ARHGEF26: variants seen among roughly 807,000 people sequenced by gnomAD.
ARHGEF26 encodes the protein Rho guanine nucleotide exchange factor 26, also known as Rho guanine nucleotide exchange factor (GEF) 26.
In ARHGEF26, 59 loss-of-function variants were observed where a neutral mutation model predicts 89.4. That is an observed-to-expected ratio of 0.66 (90% confidence interval 0.54 to 0.82). The LOEUF (loss-of-function observed/expected upper bound fraction) is 0.82. ARHGEF26 is among the 40% of genes least tolerant of loss of function. The probability of loss-of-function intolerance (pLI) is 0.00; values close to 1 mark genes in which losing one functional copy is unlikely to be tolerated. For missense variants in ARHGEF26, 1,234 were observed against 1,085.6 expected (o/e 1.14, Z -1.92); for synonymous variants, 500 against 428.4 (o/e 1.17, Z -2.06).
chr3:154,200,168 TCTTGTAGTA>T (rs1714540251), intron 9 of ARHGEF26, among the ~76,000 whole-genome samples: 2 of 152,192 alleles, frequency 1.3e-5, no homozygotes, highest in Admixed American at 6.5e-5. Flanking sequence ...CCCAATATTT[TCTTGTAGTA>T]CTTTTATAGT....
Position 154,122,603 on chromosome 3 carries a change from C to G in ARHGEF26, c.611C>G (p.Pro204Arg), listed in dbSNP as rs1234722256. Residue 204 changes from proline (P) to arginine (R), a missense_variant, in exon 2 of 15, where the codon CCT becomes CGT. Transcript: ENST00000465093. ...KAKDPERGLF[P>R]GPQKSSSEQK... ...AAGGACCCCGAACGGGGGCTCTTTC[C>G]TGGGCCCCAGAAAAGTTCTTCGGAA... 6.2e-7 allele frequency: 1 copy of G among 1,613,776 alleles called. No individual in the cohort carries two copies. Among genetic ancestry groups the G allele is most frequent in the Admixed American group, 1.7e-5 (1 of 60,022 alleles).
chr3:154,225,694 A>G, intron 10 of ARHGEF26, 162 bp from the exon 11 acceptor site: 3 of 584,478 alleles, frequency 5.1e-6, no homozygotes, highest in Non-Finnish European at 7.9e-6. Flanking sequence ...TGAAGAATGC[A>G]CTGTACTTCT....
intron 9 of ARHGEF26, among the ~76,000 whole-genome samples, chr3:154,207,215 A>G (rs766076483): frequency 2.2e-4 from 33 of 152,204 alleles, no homozygotes; most frequent in Non-Finnish European, 3.5e-4. Flanking sequence ...CATGATGAAG[A>G]TGCCAAAAAC....
chr3:154,121,727 G>A (rs1238216786), intron 1 of ARHGEF26, among the ~76,000 whole-genome samples: 1 of 152,188 alleles, frequency 6.6e-6, no homozygotes, highest in Non-Finnish European at 1.5e-5. Context: ...GAGGGACGCG[G>A]AGGTGATTGG....
intron 6 of ARHGEF26, among the ~76,000 whole-genome samples, chr3:154,165,992 G>A (rs1402181112): frequency 6.6e-6 from 1 of 152,030 alleles, no homozygotes; most frequent in African/African-American, 2.4e-5. Context: ...CCTGGGGATG[G>A]TTTGAAAAAA....
At chr3:154,121,853 C>A in intron 1 of ARHGEF26, 89 bp from the exon 2 acceptor site, 2 of 1,196,698 alleles carry the variant, frequency 1.7e-6, no homozygotes, top group Non-Finnish European at 1.1e-6. Context: ...TGCGCAGCAG[C>A]AGGGGGACCG....
chr3:154,122,286 C>A lies in ARHGEF26; in HGVS notation c.294C>A (p.Ser98=). 6.2e-7 allele frequency: 1 copy of A among 1,612,656 alleles called. No individual in the cohort carries two copies. The highest frequency in any genetic ancestry group is 1.1e-5 in the South Asian group (1 of 91,050). ...RRAVANGGTA[S]PEYRAASPRL... ...CGGTGGCCAATGGTGGGACGGCATC[C>A]CCGGAGTACAGGGCTGCCTCTCCTC... Residue 98 remains serine (S), a synonymous_variant, in exon 2 of 15, where the codon TCC becomes TCA. Transcript: ENST00000465093.
intron 3 of ARHGEF26, among the ~76,000 whole-genome samples, chr3:154,125,783 T>C (rs1273779642): frequency 6.6e-6 from 1 of 152,110 alleles, no homozygotes; most frequent in Non-Finnish European, 1.5e-5. Context: ...CCTAGAAATT[T>C]TTTTCATGTA....
intron 6 of ARHGEF26, among the ~76,000 whole-genome samples, chr3:154,170,162 G>C (rs1712332225): frequency 6.6e-6 from 1 of 151,734 alleles, no homozygotes; most frequent in Non-Finnish European, 1.5e-5. Context: ...AGGAGTTCAA[G>C]ACCAGCCTGG....
At position 154,129,610 on chromosome 3, in the gene ARHGEF26, C is replaced by A; in HGVS notation, c.1160C>A (p.Ala387Asp). 6.2e-7 allele frequency: 1 copy of A among 1,611,644 alleles called. No homozygotes were observed. The highest frequency in any genetic ancestry group is 8.5e-7 in the Non-Finnish European group (1 of 1,178,812). Residue 387 changes from alanine to aspartate, a missense_variant, in exon 4 of 15, where the codon GCC (alanine) becomes GAC (aspartate). Coordinates refer to ENST00000465093, the MANE Select transcript of ARHGEF26 (RefSeq NM_015595.4). ...CTGTATCAAAACTACAAGGAAAAGG[C>A]CCTTGACATTGATTCTGATGAAGAG... Reference protein sequence around the residue: ...AVLYQNYKEKALDIDSDEESE... With the variant: ...AVLYQNYKEKDLDIDSDEESE...
At chr3:154,239,249 CG>C (rs1559920267) in intron 11 of ARHGEF26, among the ~76,000 whole-genome samples, 3 of 63,360 alleles carry the variant, frequency 4.7e-5, no homozygotes, top group Non-Finnish European at 6.3e-5. Flanking sequence ...TGTAAATGAC[CG>C]AGAGAGAGAG....
At chr3:154,132,196 T>A (rs767523908) in intron 4 of ARHGEF26, among the ~76,000 whole-genome samples, 5 of 152,174 alleles carry the variant, frequency 3.3e-5, no homozygotes, top group Non-Finnish European at 5.9e-5. Flanking sequence ...TTTTTTTTGT[T>A]ATAAAGTGCT....
At position 154,255,317 on chromosome 3, in the gene ARHGEF26, G is replaced by C. The variant is rs1294090937; in HGVS notation, c.2474-14G>C. ...ATACTTGTTGTTTGGTGTGGACTCTGTTCTTTTTCACAGGCTGGTATGAGG... is the reference window on the plus strand; with the variant it reads ...ATACTTGTTGTTTGGTGTGGACTCTCTTCTTTTTCACAGGCTGGTATGAGG... On this transcript the variant is annotated splice_polypyrimidine_tract_variant and intron_variant, in intron 14 of 14. Coordinates refer to ENST00000465093, the MANE Select transcript of ARHGEF26 (RefSeq NM_015595.4). 6.2e-7 allele frequency: 1 copy of C among 1,610,112 alleles called. No homozygotes were observed. The highest frequency in any genetic ancestry group is 1.1e-5 in the South Asian group (1 of 90,446).
At chr3:154,218,080 G>A (rs983318637) in intron 10 of ARHGEF26, 122 bp downstream of exon 10, 1 of 890,970 alleles carries the variant, frequency 1.1e-6, no homozygotes. Flanking sequence ...AAATTGCTAA[G>A]AGGGAGTAGC....
chr3:154,225,960 A>C lies in ARHGEF26; in HGVS notation c.2040A>C (p.Gln680His), dbSNP rs374902966. ...VLFSRRTSKQ[Q>H]VYFFLFNDVL... ...TCTCAAGAAGGACATCCAAACAGCA[A>C]GTCTACTTCTTTCTCTTTAACGATG... Residue 680 changes from glutamine (Q) to histidine (H), a missense_variant, in exon 11 of 15, where the codon CAA (glutamine) becomes CAC (histidine). By Grantham distance (24) the Gln-to-His change is conservative. Transcript: ENST00000465093. The C allele has an allele frequency of 5.6e-6, 9 of 1,613,340 alleles. No individual in the cohort carries two copies. The highest frequency in any genetic ancestry group is 7.6e-6 in the Non-Finnish European group (9 of 1,179,578).
chr3:154,165,551 T>C (rs1211268571), intron 6 of ARHGEF26, among the ~76,000 whole-genome samples: 1 of 152,164 alleles, frequency 6.6e-6, no homozygotes, highest in Non-Finnish European at 1.5e-5. Context: ...CTGGAGAAAC[T>C]TGCCTGCCTT....
chr3:154,180,074 T>C (rs977590543), intron 6 of ARHGEF26, among the ~76,000 whole-genome samples: 2 of 152,158 alleles, frequency 1.3e-5, no homozygotes, highest in African/African-American at 4.8e-5. Context: ...CAAAGCCTAC[T>C]GTGTACCATC....
At chr3:154,123,176 C>T (rs891267420) in intron 2 of ARHGEF26, 101 bp downstream of exon 2, 2 of 1,483,806 alleles carry the variant, frequency 1.3e-6, no homozygotes, top group Non-Finnish European at 1.8e-6. Flanking sequence ...GAAGTCATTC[C>T]GTTTTAATTC....
chr3:154,248,890 G>A (rs559045083), intron 12 of ARHGEF26, among the ~76,000 whole-genome samples: 3 of 151,904 alleles, frequency 2.0e-5, no homozygotes, highest in African/African-American at 4.8e-5. Flanking sequence ...TTTTTTTCAC[G>A]CTATGGGGCT....
Sources: gnomAD v4.1 joint callset for allele counts (sites outside exome capture counted in the v4.1 genomes callset) on GRCh38, gnomAD v4.1.1 for gene constraint, MANE v1.5 for transcripts, NCBI Gene and HGNC (gene_info 2026-07-23, HGNC 2026-07-21) for gene names.